Variants in GPC5 observed in about 807,000 individuals in gnomAD.
GPC5 encodes the protein glypican 5.
GPC5 carries 47 observed loss-of-function variants against 53.9 expected under a neutral mutation model. That is an observed-to-expected ratio of 0.87 (90% CI 0.69 to 1.11). The LOEUF is 1.11. Ranked by LOEUF, GPC5 falls within the 50% of genes most tolerant of loss-of-function variation. The pLI is 0.00. For synonymous variants in GPC5, 286 were observed against 263.3 expected (o/e 1.09, Z -0.84); for missense variants, 748 against 713.1 (o/e 1.05, Z -0.56).
intron 7 of GPC5, among the ~76,000 whole-genome samples, chr13:92,710,875 A>G (rs1326165031): frequency 6.6e-6 from 1 of 152,246 alleles, no homozygotes; most frequent in Non-Finnish European, 1.5e-5. Context: ...TTATGTGACA[A>G]TGATGAATTT....
chr13:92,215,080 A>G (rs78661257), intron 7 of GPC5, among the ~76,000 whole-genome samples: 1,598 of 152,316 alleles, frequency 0.01, 32 homozygotes, highest in African/African-American at 0.036. Flanking sequence ...ATATTGTTTC[A>G]AGCCACTAAG....
chr13:91,674,392 C>T (rs575978743), intron 2 of GPC5, among the ~76,000 whole-genome samples: 2,143 of 144,890 alleles, frequency 0.015, 79 homozygotes, highest in African/African-American at 0.051. Flanking sequence ...TATATATATA[C>T]ACACACACAT....
At chr13:92,214,478 A>C (rs889901811) in intron 7 of GPC5, among the ~76,000 whole-genome samples, 1 of 152,094 alleles carries the variant, frequency 6.6e-6, no homozygotes, top group Non-Finnish European at 1.5e-5. Flanking sequence ...TTAGGTCCAT[A>C]ATTTACTATT....
intron 2 of GPC5, among the ~76,000 whole-genome samples, chr13:91,674,640 T>A (rs1435721268): frequency 1.4e-5 from 2 of 140,700 alleles, no homozygotes; most frequent in Non-Finnish European, 3.0e-5. Context: ...TATATGCGTA[T>A]GTGTATTATG....
chr13:91,581,269 G>C (rs1224512222), intron 2 of GPC5, among the ~76,000 whole-genome samples: 1 of 152,148 alleles, frequency 6.6e-6, no homozygotes, highest in East Asian at 1.9e-4. Context: ...TCTAAAAAGT[G>C]TAGAGACTTT....
intron 6 of GPC5, among the ~76,000 whole-genome samples, chr13:92,141,770 A>G (rs1333545088): frequency 6.6e-6 from 1 of 152,076 alleles, no homozygotes; most frequent in East Asian, 1.9e-4. Flanking sequence ...TCAGTTTGGG[A>G]GCTGAGGGGG....
intron 4 of GPC5, among the ~76,000 whole-genome samples, chr13:91,746,526 A>G (rs1030787821): frequency 1.3e-5 from 2 of 152,314 alleles, no homozygotes; most frequent in East Asian, 3.9e-4. Context: ...AATATATGAC[A>G]ATTTATAAAT....
chr13:92,073,594 C>A (rs767393350), intron 6 of GPC5, among the ~76,000 whole-genome samples: 3 of 152,318 alleles, frequency 2.0e-5, no homozygotes, highest in African/African-American at 7.2e-5. Context: ...GACTTTCCTA[C>A]GTGAATCTTC....
chr13:91,771,476 C>T (rs574414381), intron 5 of GPC5, among the ~76,000 whole-genome samples: 161 of 152,230 alleles, frequency 1.1e-3, no homozygotes, highest in Non-Finnish European at 1.9e-3. Context: ...ATGAATTGCA[C>T]ATATTTTATG....
intron 6 of GPC5, among the ~76,000 whole-genome samples, chr13:92,037,707 C>A (rs2040904934): frequency 6.6e-6 from 1 of 152,074 alleles, no homozygotes. Flanking sequence ...AACCTATAAA[C>A]CAACTATTTA....
intron 7 of GPC5, among the ~76,000 whole-genome samples, chr13:92,222,427 A>G (rs1220883300): frequency 1.3e-5 from 2 of 152,216 alleles, no homozygotes; most frequent in African/African-American, 4.8e-5. Flanking sequence ...ATTACAGTAA[A>G]TTAAGAAAAA....
At chr13:92,265,344 C>T (rs533145112) in intron 7 of GPC5, among the ~76,000 whole-genome samples, 1 of 152,118 alleles carries the variant, frequency 6.6e-6, no homozygotes, top group East Asian at 1.9e-4. Context: ...TGAGAAATTT[C>T]TTTCTCCAGA....
chr13:92,815,028 A>G (rs1289713699), intron 7 of GPC5, among the ~76,000 whole-genome samples: 1 of 152,040 alleles, frequency 6.6e-6, no homozygotes, highest in African/African-American at 2.4e-5. Context: ...CATTCAACAT[A>G]TATTTATTTA....
intron 7 of GPC5, among the ~76,000 whole-genome samples, chr13:92,759,194 C>T (rs894515853): frequency 2.7e-5 from 4 of 148,070 alleles, no homozygotes; most frequent in African/African-American, 2.6e-5. Flanking sequence ...GTAATACCTC[C>T]ATTTTTTTTT....
At chr13:91,699,866 C>A (rs1459052850) in intron 3 of GPC5, among the ~76,000 whole-genome samples, 1 of 152,118 alleles carries the variant, frequency 6.6e-6, no homozygotes, top group Non-Finnish European at 1.5e-5. Context: ...ACTTCTTACT[C>A]CAGATGTGGC....
intron 7 of GPC5, among the ~76,000 whole-genome samples, chr13:92,374,233 G>A (rs183575091): frequency 5.5e-4 from 83 of 152,214 alleles, no homozygotes; most frequent in African/African-American, 2.0e-3. Flanking sequence ...TATGAGTTTA[G>A]ATTCCTTATT....
Position 92,031,709 on chromosome 13 carries a change from TATTACA to T in GPC5, c.1402-113120_1402-113115del. Among the ~76,000 whole-genome samples, 8 of 73,408 alleles carry T rather than the reference TATTACA, an allele frequency of 1.1e-4. 1 individual carries two copies. The highest frequency in any genetic ancestry group is 2.4e-4 in the Admixed American group (1 of 4,154). 48.2% of individuals were successfully genotyped at this position (73,408 alleles called of 152,430 possible). A position where few individuals can be genotyped will look rare whatever the true frequency, so the allele number is the denominator to read the frequency against. On this transcript the variant is annotated intron_variant, in intron 6 of 7. Transcript: ENST00000377067. ...TATAGTATATATAATATATTATATA[TATTACA>T]TATATGTAATATATTACATATTATA...
intron 7 of GPC5, among the ~76,000 whole-genome samples, chr13:92,553,074 A>G (rs1471914155): frequency 6.6e-6 from 1 of 151,884 alleles, no homozygotes; most frequent in African/African-American, 2.4e-5. Flanking sequence ...AATCATTTCC[A>G]CCCATGAGCA....
chr13:92,723,382 A>G (rs890773144), intron 7 of GPC5, among the ~76,000 whole-genome samples: 2 of 151,852 alleles, frequency 1.3e-5, no homozygotes, highest in Admixed American at 1.3e-4. Flanking sequence ...AAGGAGTCGA[A>G]TGCACTTCAT....
Sources: gnomAD v4.1 joint callset for allele counts (sites outside exome capture counted in the v4.1 genomes callset) on GRCh38, gnomAD v4.1.1 for gene constraint, MANE v1.5 for transcripts, NCBI Gene and HGNC (gene_info 2026-07-23, HGNC 2026-07-21) for gene names.